Variants in KDM2B observed in about 807,000 individuals in gnomAD.
KDM2B encodes the protein lysine-specific demethylase 2B.
In KDM2B, 26 loss-of-function variants were observed where a neutral mutation model predicts 150.0. That is an observed-to-expected ratio of 0.17 (90% CI 0.13 to 0.24). The LOEUF (loss-of-function observed/expected upper bound fraction) is 0.24. KDM2B is among the 10% of genes least tolerant of loss of function. The pLI, the probability that KDM2B is intolerant of heterozygous loss-of-function variation, is 1.00. For missense variants in KDM2B, 1,265 were observed against 1,816.9 expected (o/e 0.70, Z 5.52); for synonymous variants, 734 against 729.5 (o/e 1.01, Z -0.10).
the KDM2B span, chr12:121,420,418 G>A: frequency 3.8e-5 from 59 of 1,550,720 alleles, no homozygotes; most frequent in Non-Finnish European, 4.8e-5. Flanking sequence ...CGCTAGATTA[G>A]TACAGGATGT....
downstream of KDM2B, chr12:121,429,001 C>T (rs971105521): frequency 2.0e-5 from 3 of 152,370 alleles, no homozygotes; most frequent in African/African-American, 7.2e-5. Flanking sequence ...AGCTCTTTCC[C>T]GTTACCTTTA....
chr12:121,547,169 C>A (rs535235193), intron 6 of KDM2B, among the ~76,000 whole-genome samples: 1 of 152,218 alleles, frequency 6.6e-6, no homozygotes, highest in South Asian at 2.1e-4. Flanking sequence ...GGCTTGTAGT[C>A]TTGTTCCTGT....
intron 8 of KDM2B, among the ~76,000 whole-genome samples, chr12:121,528,493 AG>A (rs1238029216): frequency 1.3e-5 from 2 of 152,034 alleles, no homozygotes; most frequent in Non-Finnish European, 2.9e-5. Flanking sequence ...TGGGAGGTGG[AG>A]GTTGCAGTGA....
At chr12:121,476,104 G>A (rs1382690151) in intron 12 of KDM2B, among the ~76,000 whole-genome samples, 1 of 111,364 alleles carries the variant, frequency 9.0e-6, no homozygotes, top group Non-Finnish European at 1.8e-5. Context: ...AGACCAGCCT[G>A]GCCAACATGG....
At chr12:121,477,210 C>T (rs1486462412) in intron 12 of KDM2B, among the ~76,000 whole-genome samples, 1 of 152,058 alleles carries the variant, frequency 6.6e-6, no homozygotes, top group Non-Finnish European at 1.5e-5. Flanking sequence ...GCTGGGACTA[C>T]AGGCACAAAG....
chr12:121,558,455 C>CTTT (rs62698361), intron 4 of KDM2B, among the ~76,000 whole-genome samples: 5 of 135,518 alleles, frequency 3.7e-5, no homozygotes, highest in African/African-American at 8.2e-5. Context: ...TTTTCTTTTT[C>CTTT]TTTTTTTTTT....
chr12:121,410,068 C>T, the KDM2B span, among the ~76,000 whole-genome samples: 5 of 151,336 alleles, frequency 3.3e-5, no homozygotes, highest in African/African-American at 9.7e-5. Context: ...GCAGCAGAAT[C>T]GGTTGAACCT....
rs1566392298 is a variant in KDM2B, at chr12:121,537,991, CGCCCGGCCCCACTCCCGGCGGCAACGCGA to C, written c.684-3430_684-3402del. Among the ~76,000 whole-genome samples the C allele has an allele frequency of 2.0e-5, 3 of 149,228 alleles. No homozygotes were observed. The highest frequency in any genetic ancestry group is 7.3e-5 in the African/African-American group (3 of 40,982). ...CCTTCGGCTGCGGAGGCTCGACGCG[CGCCCGGCCCCACTCCCGGCGGCAACGCGA>C]GCCGAGCCCCCTCCACGGCGCTGCC... On this transcript the variant is annotated intron_variant, in intron 6 of 22. Coordinates refer to ENST00000377071, the MANE Select transcript of KDM2B (RefSeq NM_032590.5). This position sits in a 1 kb window ranked among gnomAD's most constrained non-coding sequence, Gnocchi z 8.7.
the KDM2B span, chr12:121,418,756 T>C: frequency 6.6e-6 from 1 of 152,200 alleles, no homozygotes; most frequent in African/African-American, 2.4e-5. Context: ...AGTCTCACTC[T>C]GTTGCCCAGG....
chr12:121,445,074 A>G (rs1223503187), intron 14 of KDM2B: 1 of 582,716 alleles, frequency 1.7e-6, no homozygotes, highest in African/African-American at 1.9e-5. Flanking sequence ...GGGTGTGTTT[A>G]TTCCTTTGAT....
At chr12:121,541,747 G>T (rs1216883594) in intron 6 of KDM2B, among the ~76,000 whole-genome samples, 1 of 152,112 alleles carries the variant, frequency 6.6e-6, no homozygotes, top group African/African-American at 2.4e-5. Flanking sequence ...TCCCCATTTT[G>T]CTGGGCTTTT....
intron 11 of KDM2B, among the ~76,000 whole-genome samples, chr12:121,496,608 C>T (rs1883968405): frequency 6.6e-6 from 1 of 151,764 alleles, no homozygotes; most frequent in Admixed American, 6.6e-5. Flanking sequence ...GATCCTCCCA[C>T]CTCAGCCTCC....
At chr12:121,541,183 G>C (rs1248578404) in intron 6 of KDM2B, among the ~76,000 whole-genome samples, 1 of 151,538 alleles carries the variant, frequency 6.6e-6, no homozygotes, top group East Asian at 2.0e-4. Context: ...GGTGAGCAGA[G>C]CTCGCACCAT....
chr12:121,576,945 C>A (rs1382299907), intron 2 of KDM2B, among the ~76,000 whole-genome samples: 1 of 152,152 alleles, frequency 6.6e-6, no homozygotes, highest in Non-Finnish European at 1.5e-5. Context: ...AACCCAAAGC[C>A]GGGGAAAGCC....
At chr12:121,425,294 G>T (rs1004212276), downstream of KDM2B, among the ~76,000 whole-genome samples, 1 of 132,188 alleles carries the variant, frequency 7.6e-6, no homozygotes, top group African/African-American at 3.0e-5. Flanking sequence ...GGCGACGAGC[G>T]AAACTCCGTC....
intron 12 of KDM2B, among the ~76,000 whole-genome samples, chr12:121,478,421 G>A (rs1413403122): frequency 6.7e-6 from 1 of 148,400 alleles, no homozygotes. Flanking sequence ...GTGCAGTGGC[G>A]TGATCTCGGC....
intron 6 of KDM2B, among the ~76,000 whole-genome samples, chr12:121,545,923 C>T (rs1555310615): frequency 1.3e-5 from 2 of 151,836 alleles, no homozygotes; most frequent in African/African-American, 4.8e-5. Context: ...CGACTACACA[C>T]AGCCAGGAAA....
chr12:121,514,262 C>T (rs1419093930), intron 9 of KDM2B, among the ~76,000 whole-genome samples: 2 of 152,160 alleles, frequency 1.3e-5, no homozygotes, highest in African/African-American at 4.8e-5. Flanking sequence ...TACTGGCGCG[C>T]GCACCACCAC....
chr12:121,546,320 C>T (rs1889034247), intron 6 of KDM2B, among the ~76,000 whole-genome samples: 1 of 151,412 alleles, frequency 6.6e-6, no homozygotes, highest in Admixed American at 6.6e-5. Context: ...CTGAGTCCCA[C>T]AGCCTTTTTT....
Sources: gnomAD v4.1 joint callset for allele counts (sites outside exome capture counted in the v4.1 genomes callset) on GRCh38, gnomAD v4.1.1 for gene constraint, Gnocchi (gnomAD v3.1) non-coding constraint, MANE v1.5 for transcripts, NCBI Gene and HGNC (gene_info 2026-07-23, HGNC 2026-07-21) for gene names.